Variants in MRPL17 observed in about 807,000 individuals in gnomAD.
MRPL17 encodes the protein large ribosomal subunit protein bL17m.
In MRPL17, 8 loss-of-function variants were observed where a neutral mutation model predicts 12.0. That is an observed-to-expected ratio of 0.67 (90% CI 0.39 to 1.21). The LOEUF is 1.21. Ranked by LOEUF, MRPL17 falls within the 50% of genes most tolerant of loss-of-function variation. The probability of loss-of-function intolerance (pLI) is 0.01; values close to 1 mark genes in which losing one functional copy is unlikely to be tolerated. For missense variants in MRPL17, 263 were observed against 234.4 expected (o/e 1.12, Z -0.80); for synonymous variants, 107 against 92.9 (o/e 1.15, Z -0.87).
At position 6,682,692 on chromosome 11, in the gene MRPL17, C is replaced by G. The variant is rs566822290; in HGVS notation, c.243+55G>C. ...TCTGCATAGTTCTCCTTTTTCCAAC[C>G]CCCACCCCCAGGGAGCAAAGGGTGG... On this transcript the variant is annotated intron_variant, in intron 2 of 2. Coordinates refer to ENST00000288937, the MANE Select transcript of MRPL17 (RefSeq NM_022061.4). 1.9e-6 allele frequency: 3 copies of G among 1,543,880 alleles called. No individual in the cohort carries two copies. In the Admixed American group the frequency reaches 5.0e-5, roughly 26 times the overall value.
chr11:6,683,003 C>A, intron 1 of MRPL17, 120 bp downstream of exon 1: 1 of 1,424,706 alleles, frequency 7.0e-7, no homozygotes, highest in African/African-American at 1.4e-5. Flanking sequence ...GCCCAAGGTT[C>A]TGGGGGACTC....
chr11:6,683,084 C>A (rs1205846386), intron 1 of MRPL17, 39 bp downstream of exon 1: 2 of 1,597,918 alleles, frequency 1.3e-6, no homozygotes, highest in Admixed American at 1.7e-5. Flanking sequence ...CCCCCTCAGA[C>A]CAGACCCGCA....
rs760102246 is a variant in MRPL17 at position 6,683,223 on chromosome 11, C to T, written c.74G>A (p.Arg25His). The change falls in exon 1 of 3, where the codon CGC becomes CAC. Residue 25 changes from arginine (R) to histidine (H), a missense_variant. Arg to His is a conservative substitution (Grantham distance 29). Coordinates refer to ENST00000288937, the MANE Select transcript of MRPL17 (RefSeq NM_022061.4). Reference protein sequence around the residue: ...FRRMGLGPESRIHLLRNLLTG... With the variant: ...FRRMGLGPESHIHLLRNLLTG... ...GAGCAAGTTCCGCAACAGATGGATG[C>T]GGGACTCGGGACCGAGGCCCATACG... 6.2e-7 allele frequency: 1 copy of T among 1,614,130 alleles called. No individual in the cohort carries two copies. The highest frequency in any genetic ancestry group is 8.5e-7 in the Non-Finnish European group (1 of 1,180,026).
Position 6,683,194 on chromosome 11 carries a change from C to T in MRPL17, c.103G>A (p.Gly35Arg), listed in dbSNP as rs750295063. 1 of 1,614,238 alleles carries T rather than the reference C, an allele frequency of 6.2e-7. No individual in the cohort carries two copies. The highest frequency in any genetic ancestry group is 1.7e-5 in the Admixed American group (1 of 60,034). The part of the protein sequence containing the change: ...RIHLLRNLLT[G>R]LVRHERIEAP... ...TCGATGCGTTCGTGCCGCACCAGCC[C>T]TGTGAGCAAGTTCCGCAACAGATGG... The change falls in exon 1 of 3, where the codon GGG becomes AGG. Residue 35 changes from glycine to arginine, a missense_variant. Coordinates refer to ENST00000288937, the MANE Select transcript of MRPL17 (RefSeq NM_022061.4).
In MRPL17 at chr11:6,681,515, A is replaced by G. The variant is rs1846562479; in HGVS notation, c.*603T>C. ...TCTTGGGTCCTCTCCTCCCAGGCCC[A>G]TTCAGGGGGTTGAAGGGAACACATT... is the stretch of plus-strand genomic sequence containing the variant. On this transcript the variant is annotated 3_prime_UTR_variant, in exon 3 of 3. Coordinates refer to ENST00000288937, the MANE Select transcript of MRPL17 (RefSeq NM_022061.4). 6.6e-6 allele frequency: 1 copy of G among 152,180 alleles called. No homozygotes were observed. Among genetic ancestry groups the G allele is most frequent in the Non-Finnish European group, 1.5e-5 (1 of 68,072 alleles). The allele number at this position is 152,180 out of a possible 1,614,324, so 9.4% of individuals were successfully genotyped here. A position where few individuals can be genotyped will look rare whatever the true frequency, so the allele number is the denominator to read the frequency against.
intron 2 of MRPL17, 134 bp downstream of exon 2, chr11:6,682,613 C>A: frequency 1.0e-6 from 1 of 1,003,602 alleles, no homozygotes; most frequent in Non-Finnish European, 1.5e-6. Flanking sequence ...ACTTAAGACA[C>A]AGTTTCTAAT....
At position 6,682,821 on chromosome 11, in the gene MRPL17, A is replaced by C; in HGVS notation, c.175-6T>G. 6.2e-7 allele frequency: 1 copy of C among 1,611,472 alleles called. No homozygotes were observed. Among genetic ancestry groups the C allele is most frequent in the East Asian group, 2.2e-5 (1 of 44,790 alleles). On this transcript the variant is annotated splice_polypyrimidine_tract_variant and splice_region_variant and intron_variant, in intron 1 of 2. Coordinates refer to ENST00000288937, the MANE Select transcript of MRPL17 (RefSeq NM_022061.4). ...AGCTTCCCATAGTCGATGAGCTGTG[A>C]GGACATAACATCACGGATCCAACCG...
In MRPL17 at chr11:6,682,296, C is replaced by T. The variant is rs555831023; in HGVS notation, c.350G>A (p.Arg117Gln). ...MLQIPNRSLD[R>Q]AKMAVIEYKG... ...ATACTCGATCACTGCCATCTTGGCCCGATCCAAACTCCGATTTGGGATCTG... is the reference window on the plus strand; with the variant it reads ...ATACTCGATCACTGCCATCTTGGCCTGATCCAAACTCCGATTTGGGATCTG... Residue 117 changes from arginine (R) to glutamine (Q), a missense_variant, in exon 3 of 3, where the codon CGG becomes CAG. Transcript: ENST00000288937. 2.5e-5 allele frequency: 40 copies of T among 1,614,126 alleles called. No homozygotes were observed. The South Asian group carries it at 2.5e-4, about 10-fold the overall frequency.
rs766828211 is a variant in MRPL17 at position 6,683,083 on chromosome 11, A to G, written c.174+40T>C. On this transcript the variant is annotated intron_variant, in intron 1 of 2. Transcript: ENST00000288937. Reference sequence around the variant, plus strand: ...CTTGCAGCCGGCTCCGCCCCCTCAGACCAGACCCGCAGAGTGGACAAGAGG... The same window carrying G: ...CTTGCAGCCGGCTCCGCCCCCTCAGGCCAGACCCGCAGAGTGGACAAGAGG... 8 of 1,597,236 alleles carry G rather than the reference A, an allele frequency of 5.0e-6. No homozygotes were observed. The African/African-American group carries it at 9.4e-5, about 19-fold the overall frequency.
Position 6,682,241 on chromosome 11 carries a change from C to G in MRPL17, c.405G>C (p.Leu135=). Residue 135 remains leucine (L), a synonymous_variant, in exon 3 of 3, where the codon CTG becomes CTC. Transcript: ENST00000288937. ...YKGNCLPPLP[L]PRRDSHLTLL... ...GTGTAAGGTGGCTGTCTCTGCGAGG[C>G]AGAGGCAGGGGTGGGAGGCAATTCC... is the stretch of plus-strand genomic sequence containing the variant. 3 of 1,614,156 alleles carry G rather than the reference C, an allele frequency of 1.9e-6. No homozygotes were observed. The highest frequency in any genetic ancestry group is 1.3e-5 in the African/African-American group (1 of 75,028).
rs896799626 is a variant in MRPL17, at chr11:6,683,138, C to A, written c.159G>T (p.Arg53Ser). 6.2e-7 allele frequency: 1 copy of A among 1,613,846 alleles called. No homozygotes were observed. Among genetic ancestry groups the A allele is most frequent in the African/African-American group, 1.3e-5 (1 of 74,942 alleles). ...CGCTCCTCACCTTCTCCGCGTAGCCCCTCATTTCGTCCACACGCGCCCATG... is the reference window on the plus strand; with the variant it reads ...CGCTCCTCACCTTCTCCGCGTAGCCACTCATTTCGTCCACACGCGCCCATG... ...EAPWARVDEMRGYAEKLIDYG... is the reference protein window; with the variant it reads ...EAPWARVDEMSGYAEKLIDYG... The change falls in exon 1 of 3, where the codon AGG becomes AGT. Residue 53 changes from arginine (R) to serine (S), a missense_variant. Coordinates refer to ENST00000288937, the MANE Select transcript of MRPL17 (RefSeq NM_022061.4).
intron 2 of MRPL17, 135 bp from the exon 3 acceptor site, chr11:6,682,537 CAG>C: frequency 9.0e-7 from 1 of 1,110,224 alleles, no homozygotes; most frequent in Non-Finnish European, 1.3e-6. Context: ...CTGGCATAGT[CAG>C]TGTTACACAA....
Position 6,682,066 on chromosome 11 carries a change from A to G in MRPL17, c.*52T>C. 1 of 1,551,024 alleles carries G rather than the reference A, an allele frequency of 6.4e-7. No homozygotes were observed. The highest frequency in any genetic ancestry group is 8.7e-7 in the Non-Finnish European group (1 of 1,145,916). ...CTTCTCAGAGAGTAAAAGTGCTCCA[A>G]AGGCCTGTGATCATGGGTACTGATT... On this transcript the variant is annotated 3_prime_UTR_variant, in exon 3 of 3. Transcript: ENST00000288937.
At chr11:6,682,883 G>A (rs1846583296) in intron 1 of MRPL17, 68 bp from the exon 2 acceptor site, 3 of 1,494,330 alleles carry the variant, frequency 2.0e-6, no homozygotes, top group Non-Finnish European at 2.8e-6. Context: ...TTTCTCTAAT[G>A]CCGGAAGGCA....
rs777917516 is a variant in MRPL17, at chr11:6,682,149, CT to C, written c.496del (p.Ser166AlafsTer14). 33 of 1,613,710 alleles carry C rather than the reference CT, an allele frequency of 2.0e-5. No individual in the cohort carries two copies. In the South Asian group the frequency reaches 3.6e-4, roughly 18 times the overall value. On this transcript the variant is annotated frameshift_variant, in exon 3 of 3. Coordinates refer to ENST00000288937, the MANE Select transcript of MRPL17 (RefSeq NM_022061.4). LOFTEE classifies it high-confidence loss of function. ...LRQSQEASNH[S>X]SHTAQTPGI ...CCCTGGTGTTTGAGCTGTGTGGGAG[CT>C]GTGGTTGCTTGCTTCCTGGCTTTGC...
At position 6,683,135 on chromosome 11, in the gene MRPL17, GC is replaced by G. The variant is rs760962253; in HGVS notation, c.161del (p.Gly54AlafsTer32). On this transcript the variant is annotated frameshift_variant, in exon 1 of 3. Coordinates refer to ENST00000288937, the MANE Select transcript of MRPL17 (RefSeq NM_022061.4). LOFTEE classifies it high-confidence loss of function. ...APWARVDEMR[G>X]YAEKLIDYGK... Reference sequence around the variant, plus strand: ...CCGCGCTCCTCACCTTCTCCGCGTAGCCCCTCATTTCGTCCACACGCGCCCA... The same window carrying G: ...CCGCGCTCCTCACCTTCTCCGCGTAGCCCTCATTTCGTCCACACGCGCCCA... 2.5e-5 allele frequency: 41 copies of G among 1,613,740 alleles called. No individual in the cohort carries two copies. The highest frequency in any genetic ancestry group is 3.1e-5 in the Non-Finnish European group (36 of 1,179,922).
rs1846588011 is a variant in MRPL17, at chr11:6,683,147, G to A, written c.150C>T (p.Asp50=). Residue 50 remains aspartate, a synonymous_variant, in exon 1 of 3, where the codon GAC becomes GAT. Transcript: ENST00000288937. ...ERIEAPWARV[D]EMRGYAEKLI... ...CCTTCTCCGCGTAGCCCCTCATTTC[G>A]TCCACACGCGCCCATGGTGCCTCGA... 6.2e-7 allele frequency: 1 copy of A among 1,614,040 alleles called. No homozygotes were observed. Among genetic ancestry groups the A allele is most frequent in the East Asian group, 2.2e-5 (1 of 44,884 alleles).
chr11:6,680,500 A>G lies in MRPL17; in HGVS notation c.*1618T>C, dbSNP rs1846553400. On this transcript the variant is annotated 3_prime_UTR_variant, in exon 3 of 3. Transcript: ENST00000288937. Reference sequence around the variant, plus strand: ...TTGTTTCTTATCTCTAGTCTCTATTAGATGAACAGTGGATATTGTATCCCT... The same window carrying G: ...TTGTTTCTTATCTCTAGTCTCTATTGGATGAACAGTGGATATTGTATCCCT... 1.3e-5 allele frequency among the ~76,000 whole-genome samples: 2 copies of G among 152,238 alleles called. No individual in the cohort carries two copies. Among genetic ancestry groups the G allele is most frequent in the African/African-American group, 4.8e-5 (2 of 41,462 alleles).
chr11:6,683,282 G>A lies in MRPL17; in HGVS notation c.15C>T (p.Val5=), dbSNP rs769434741. 6.2e-7 allele frequency: 1 copy of A among 1,611,060 alleles called. No individual in the cohort carries two copies. The highest frequency in any genetic ancestry group is 8.5e-7 in the Non-Finnish European group (1 of 1,177,858). Residue 5 remains valine, a synonymous_variant, in exon 1 of 3, where the codon GTC becomes GTT. Transcript: ENST00000288937. MRLS[V]AAAISHGRVF... The stretch of plus-strand genomic sequence containing the variant: ...CGCGGCCATGGGAGATCGCTGCAGC[G>A]ACCGACAGCCGCATGTTTCCAACTT...
Sources: gnomAD v4.1 joint callset for allele counts (sites outside exome capture counted in the v4.1 genomes callset) on GRCh38, gnomAD v4.1.1 for gene constraint, MANE v1.5 for transcripts, NCBI Gene and HGNC (gene_info 2026-07-23, HGNC 2026-07-21) for gene names.